H3-3B: variants seen among roughly 807,000 people sequenced by gnomAD.
The protein encoded by H3-3B is histone H3.3.
H3-3B carries 2 observed loss-of-function variants against 13.1 expected under a neutral mutation model. The observed-to-expected ratio is 0.15, with a 90% CI of 0.06 to 0.48. H3-3B has a LOEUF of 0.48. Among genes scored for constraint, H3-3B ranks in the 20% least tolerant of loss-of-function variants. The probability of loss-of-function intolerance (pLI) is 0.97; values close to 1 mark genes in which losing one functional copy is unlikely to be tolerated. For missense variants in H3-3B, 39 were observed against 186.0 expected, an observed-to-expected ratio of 0.21 and a Z score of 4.60; for synonymous variants, 133 against 75.8, an observed-to-expected ratio of 1.76 and a Z score of -3.92.
Position 75,776,758 on chromosome 17 carries a change from T to TC in H3-3B, c.*1836dup, listed in dbSNP as rs1373464998. 3 of 152,276 alleles carry TC rather than the reference T, an allele frequency of 2.0e-5. No individual in the cohort carries two copies. Among genetic ancestry groups the TC allele is most frequent in the African/African-American group, 7.2e-5 (3 of 41,468 alleles). 9.4% of individuals were successfully genotyped at this position (152,276 alleles called of 1,614,324 possible). A position where few individuals can be genotyped will look rare whatever the true frequency, so the allele number is the denominator to read the frequency against. ...CAGGTAGTAAGCAGAAGCTAACTCA[T>TC]CACCGTAGCCAGGTTTGTGTACTTT... is the stretch of plus-strand genomic sequence containing the variant. On this transcript the variant is annotated 3_prime_UTR_variant, in exon 4 of 4. Transcript: ENST00000254810.
Position 75,777,491 on chromosome 17 carries a change from AACAT to A in H3-3B, c.*1100_*1103del, listed in dbSNP as rs1471924628. On this transcript the variant is annotated 3_prime_UTR_variant, in exon 4 of 4. Transcript: ENST00000254810. ...AACAAGTTTATTTGTAAATTTAGTC[AACAT>A]ACATAATTGACCTAAAAACTTCAGT... The A allele has an allele frequency of 1.3e-5, 2 of 152,688 alleles. No individual in the cohort carries two copies. The highest frequency in any genetic ancestry group is 6.5e-5 in the Admixed American group (1 of 15,282). The allele number at this position is 152,688 out of a possible 1,614,324, so 9.5% of individuals were successfully genotyped here.
chr17:75,779,471 A>C, intron 1 of H3-3B, 186 bp downstream of exon 1: 11 of 247,926 alleles, frequency 4.4e-5, no homozygotes, highest in Non-Finnish European at 6.9e-5. Context: ...GGACCTCTGA[A>C]TCACCGCCGG....
rs551449287 is a variant in H3-3B at position 75,777,377 on chromosome 17, G to A, written c.*1218C>T. On this transcript the variant is annotated 3_prime_UTR_variant, in exon 4 of 4. Transcript: ENST00000254810. ...CCAAACAACACCTGAAATGATCTAA[G>A]TTCAAAACATTAGTATACAAGGACC... 2 of 152,518 alleles carry A rather than the reference G, an allele frequency of 1.3e-5. No individual in the cohort carries two copies. The highest frequency in any genetic ancestry group is 2.9e-5 in the Non-Finnish European group (2 of 68,030). 9.4% of individuals were successfully genotyped at this position (152,518 alleles called of 1,614,324 possible).
rs1036059078 is a variant in H3-3B, at chr17:75,777,932, A to G, written c.*663T>C. ...TATGCAAGGTATAAATGCGCATAGC[A>G]TTTTACTACTATGAGAACAAGTGCA... On this transcript the variant is annotated 3_prime_UTR_variant, in exon 4 of 4. Coordinates refer to ENST00000254810, the MANE Select transcript of H3-3B (RefSeq NM_005324.5). 1 of 152,656 alleles carries G rather than the reference A, an allele frequency of 6.6e-6. No homozygotes were observed. The highest frequency in any genetic ancestry group is 2.4e-5 in the African/African-American group (1 of 41,436). The allele number at this position is 152,656 out of a possible 1,614,324, so 9.5% of individuals were successfully genotyped here.
At position 75,778,410 on chromosome 17, in the gene H3-3B, G is replaced by T; in HGVS notation, c.*185C>A. On this transcript the variant is annotated 3_prime_UTR_variant, in exon 4 of 4. Transcript: ENST00000254810. ...TGCATATTAGCAACTTGTCACTCCT[G>T]AGCAACAGTGCTCACATCACTGAGG... 1 of 761,176 alleles carries T rather than the reference G, an allele frequency of 1.3e-6. No homozygotes were observed. The highest frequency in any genetic ancestry group is 1.9e-5 in the South Asian group (1 of 53,234). 47.2% of individuals were successfully genotyped at this position (761,176 alleles called of 1,614,324 possible). A position where few individuals can be genotyped will look rare whatever the true frequency, so the allele number is the denominator to read the frequency against.
Position 75,779,682 on chromosome 17 carries a change from C to T in H3-3B, c.-36G>A. ...CCAACGCCGAAGTTTTAGGCCACTT[C>T]TCCGACCGCCGCGCCGCTTCCGCTG... On this transcript the variant is annotated 5_prime_UTR_variant, in exon 1 of 4. Coordinates refer to ENST00000254810, the MANE Select transcript of H3-3B (RefSeq NM_005324.5). The T allele has an allele frequency of 6.4e-6, 1 of 157,428 alleles. No individual in the cohort carries two copies. The allele number at this position is 157,428 out of a possible 1,614,324, so 9.8% of individuals were successfully genotyped here. A position where few individuals can be genotyped will look rare whatever the true frequency, so the allele number is the denominator to read the frequency against.
rs565124576 is a variant in H3-3B at position 75,777,628 on chromosome 17, G to C, written c.*967C>G. 3.6e-4 allele frequency: 55 copies of C among 152,476 alleles called. No individual in the cohort carries two copies. Among genetic ancestry groups the C allele is most frequent in the African/African-American group, 1.3e-3 (53 of 41,546 alleles). 9.4% of individuals were successfully genotyped at this position (152,476 alleles called of 1,614,324 possible). A position where few individuals can be genotyped will look rare whatever the true frequency, so the allele number is the denominator to read the frequency against. On this transcript the variant is annotated 3_prime_UTR_variant, in exon 4 of 4. Coordinates refer to ENST00000254810, the MANE Select transcript of H3-3B (RefSeq NM_005324.5). ...ATCTTAATTGGCAGAGGTTCAGTGG[G>C]CTGGAGTTTTGTGCTCCTCCCCCAC... is the stretch of plus-strand genomic sequence containing the variant.
Position 75,778,352 on chromosome 17 carries a change from T to C in H3-3B, c.*243A>G. Reference sequence around the variant, plus strand: ...AGTCATTAACATACAGAAACATGCATCATGAGAAGCAAGAAGTATCACCCA... The same window carrying C: ...AGTCATTAACATACAGAAACATGCACCATGAGAAGCAAGAAGTATCACCCA... On this transcript the variant is annotated 3_prime_UTR_variant, in exon 4 of 4. Transcript: ENST00000254810. 1.9e-6 allele frequency: 1 copy of C among 529,736 alleles called. No individual in the cohort carries two copies. The highest frequency in any genetic ancestry group is 3.3e-6 in the Non-Finnish European group (1 of 299,426). 32.8% of individuals were successfully genotyped at this position (529,736 alleles called of 1,614,324 possible).
rs751164941 is a variant in H3-3B at position 75,776,478 on chromosome 17, G to C, written c.*2117C>G. 1.9e-4 allele frequency: 29 copies of C among 152,186 alleles called. No individual in the cohort carries two copies. The highest frequency in any genetic ancestry group is 6.8e-4 in the African/African-American group (28 of 41,452). The allele number at this position is 152,186 out of a possible 1,614,324, so 9.4% of individuals were successfully genotyped here. On this transcript the variant is annotated 3_prime_UTR_variant, in exon 4 of 4. Coordinates refer to ENST00000254810, the MANE Select transcript of H3-3B (RefSeq NM_005324.5). ...TTTAGTCTCATCCATCAAGGGCATA[G>C]GATACCTGCATCAGCTGCAACTTCT...
chr17:75,778,314 T>A lies in H3-3B; in HGVS notation c.*281A>T. The A allele has an allele frequency of 2.3e-6, 1 of 427,024 alleles. No individual in the cohort carries two copies. Among genetic ancestry groups the A allele is most frequent in the Non-Finnish European group, 4.3e-6 (1 of 235,048 alleles). 26.5% of individuals were successfully genotyped at this position (427,024 alleles called of 1,614,324 possible). On this transcript the variant is annotated 3_prime_UTR_variant, in exon 4 of 4. Transcript: ENST00000254810. ...ACATTTATCAACTCTAGTACCTTAA[T>A]AGCTACCCAACAAGTCATTAACATA... is the stretch of plus-strand genomic sequence containing the variant.
At position 75,778,738 on chromosome 17, in the gene H3-3B, A is replaced by C. The variant is rs554863683; in HGVS notation, c.283-15T>G. The C allele has an allele frequency of 3.7e-5, 60 of 1,614,032 alleles. No homozygotes were observed. Among genetic ancestry groups the C allele is most frequent in the Middle Eastern group, 1.6e-4 (1 of 6,084 alleles). On this transcript the variant is annotated splice_polypyrimidine_tract_variant and intron_variant, in intron 3 of 3. Transcript: ENST00000254810. ...TCGCTAGCCTCCTGTTGAGGACGAG[A>C]GCCGCACTATTAATCCCACTCGGGG...
Position 75,778,734 on chromosome 17 carries a change from C to G in H3-3B, c.283-11G>C. ...CGCTTCGCTAGCCTCCTGTTGAGGA[C>G]GAGAGCCGCACTATTAATCCCACTC... On this transcript the variant is annotated splice_polypyrimidine_tract_variant and intron_variant, in intron 3 of 3. Coordinates refer to ENST00000254810, the MANE Select transcript of H3-3B (RefSeq NM_005324.5). 11 of 1,614,134 alleles carry G rather than the reference C, an allele frequency of 6.8e-6. No individual in the cohort carries two copies. The highest frequency in any genetic ancestry group is 9.3e-6 in the Non-Finnish European group (11 of 1,180,018).
rs201839248 is a variant in H3-3B, at chr17:75,778,575, G to T, written c.*20C>A. The T allele has an allele frequency of 6.9e-6, 11 of 1,599,654 alleles. No individual in the cohort carries two copies. The highest frequency in any genetic ancestry group is 1.3e-5 in the African/African-American group (1 of 74,296). The stretch of plus-strand genomic sequence containing the variant: ...TATTTTACAGAATTTACTACAAAAC[G>T]CCATAAAAACTGCCTTCACTTAAGC... On this transcript the variant is annotated 3_prime_UTR_variant, in exon 4 of 4. Coordinates refer to ENST00000254810, the MANE Select transcript of H3-3B (RefSeq NM_005324.5).
intron 1 of H3-3B, 34 bp from the exon 2 acceptor site, chr17:75,779,218 G>A (rs1461417791): frequency 1.4e-6 from 2 of 1,452,580 alleles, no homozygotes; most frequent in Admixed American, 2.7e-5. Context: ...AGGCCGCCGC[G>A]CTCACCCGGG....
In H3-3B at chr17:75,778,464, C is replaced by G; in HGVS notation, c.*131G>C. On this transcript the variant is annotated 3_prime_UTR_variant, in exon 4 of 4. Transcript: ENST00000254810. ...GTGAACAGTCACTTTTCGCATTCAT[C>G]CTGAGTGAAAGATGGAATGACTTAA... 1 of 1,302,362 alleles carries G rather than the reference C, an allele frequency of 7.7e-7. No homozygotes were observed. Among genetic ancestry groups the G allele is most frequent in the South Asian group, 1.4e-5 (1 of 70,938 alleles). 80.7% of individuals were successfully genotyped at this position (1,302,362 alleles called of 1,614,324 possible).
In H3-3B at chr17:75,778,969, G is replaced by C. The variant is rs574608131; in HGVS notation, c.129-6C>G. The C allele has an allele frequency of 6.2e-7, 1 of 1,614,082 alleles. No individual in the cohort carries two copies. The highest frequency in any genetic ancestry group is 1.7e-5 in the Admixed American group (1 of 60,028). ...GAAGCGCCACGGTCCCGGGCCTGCA[G>C]CGAGCAGGGGAGGAGTGAGCGGACG... On this transcript the variant is annotated splice_region_variant and splice_polypyrimidine_tract_variant and intron_variant, in intron 2 of 3. Transcript: ENST00000254810.
intron 1 of H3-3B, 34 bp from the exon 2 acceptor site, chr17:75,779,218 G>T: frequency 6.9e-7 from 1 of 1,452,702 alleles, no homozygotes; most frequent in Non-Finnish European, 9.1e-7. Flanking sequence ...AGGCCGCCGC[G>T]CTCACCCGGG....
In H3-3B at chr17:75,778,143, T is replaced by C. The variant is rs1161838916; in HGVS notation, c.*452A>G. 2 of 152,710 alleles carry C rather than the reference T, an allele frequency of 1.3e-5. No individual in the cohort carries two copies. The highest frequency in any genetic ancestry group is 2.9e-5 in the Non-Finnish European group (2 of 68,448). The allele number at this position is 152,710 out of a possible 1,614,324, so 9.5% of individuals were successfully genotyped here. ...CTTTTTTTTTTTTTAAAGGAAACTGTAAGTTACACTGTGGTTAAGACTTGT... is the reference window on the plus strand; with the variant it reads ...CTTTTTTTTTTTTTAAAGGAAACTGCAAGTTACACTGTGGTTAAGACTTGT... On this transcript the variant is annotated 3_prime_UTR_variant, in exon 4 of 4. Coordinates refer to ENST00000254810, the MANE Select transcript of H3-3B (RefSeq NM_005324.5).
intron 3 of H3-3B, 26 bp downstream of exon 3, chr17:75,778,784 C>T (rs1317221765): frequency 5.0e-6 from 8 of 1,614,004 alleles, no homozygotes; most frequent in African/African-American, 1.3e-5. Context: ...GCCCAGCCCT[C>T]CCCCGGCTCC....
Sources: gnomAD v4.1 joint callset for allele counts on GRCh38, gnomAD v4.1.1 for gene constraint, MANE v1.5 for transcripts, NCBI Gene and HGNC (gene_info 2026-07-23, HGNC 2026-07-21) for gene names.